ZSCAN5B: variants seen among roughly 807,000 people sequenced by gnomAD.
ZSCAN5B encodes the protein zinc finger and SCAN domain containing 5B.
ZSCAN5B carries 26 observed loss-of-function variants against 25.2 expected under a neutral mutation model. The ratio of observed to expected loss-of-function variants is 1.03; its 90% confidence interval spans 0.76 to 1.43. The LOEUF (loss-of-function observed/expected upper bound fraction) is 1.43, where lower values mean the gene tolerates loss of function less well. ZSCAN5B is among the 40% of genes most tolerant of loss of function. ZSCAN5B has a pLI of 0.00. For missense variants in ZSCAN5B, 745 were observed against 622.1 expected, an observed-to-expected ratio of 1.20 and a Z score of -2.10; for synonymous variants, 244 against 240.9, an observed-to-expected ratio of 1.01 and a Z score of -0.12.
chr19:56,192,579 T>C, intron 2 of ZSCAN5B, 90 bp downstream of exon 2: 1 of 1,525,242 alleles, frequency 6.6e-7, no homozygotes, highest in Admixed American at 2.1e-5. Context: ...GTATTTGCAA[T>C]ATTAGCTGTG....
Position 56,190,471 on chromosome 19 carries a change from T to C in ZSCAN5B, c.844A>G (p.Thr282Ala), listed in dbSNP as rs751576360. The stretch of plus-strand genomic sequence containing the variant: ...GCATCTCCTCTGTTCCCGCTGTGAG[T>C]CAAAGCTTCTCTCTCCACAACGCAG... Residue 282 changes from threonine (T) to alanine (A), a missense_variant, in exon 5 of 5, where the codon ACT (threonine) becomes GCT (alanine). Coordinates refer to ENST00000586855, the Ensembl canonical transcript of ZSCAN5B. 9 of 1,613,984 alleles carry C rather than the reference T, an allele frequency of 5.6e-6. No individual in the cohort carries two copies. Among genetic ancestry groups the C allele is most frequent in the Non-Finnish European group, 7.6e-6 (9 of 1,179,958 alleles).
chr19:56,195,144 A>C (rs1044467281), intron 1 of ZSCAN5B, among the ~76,000 whole-genome samples: 1 of 152,192 alleles, frequency 6.6e-6, no homozygotes, highest in African/African-American at 2.4e-5. Context: ...CACTTCCTGG[A>C]AGGACTCTGA....
intron 1 of ZSCAN5B, among the ~76,000 whole-genome samples, chr19:56,194,755 C>T (rs914961384): frequency 3.9e-5 from 6 of 152,064 alleles, no homozygotes; most frequent in Admixed American, 6.5e-5. Context: ...GCTGGGATTA[C>T]AGGCCCCCGC....
At chr19:56,196,184 T>G (rs1311141505) in intron 1 of ZSCAN5B, among the ~76,000 whole-genome samples, 1 of 152,142 alleles carries the variant, frequency 6.6e-6, no homozygotes, top group Admixed American at 6.5e-5. Context: ...CCCGAGTAGC[T>G]GGGATTATAG....
rs372857533 is a variant in ZSCAN5B at position 56,193,170 on chromosome 19, G to C, written c.-118C>G. 3 of 1,236,126 alleles carry C rather than the reference G, an allele frequency of 2.4e-6. No homozygotes were observed. In the South Asian group the frequency reaches 5.3e-5, roughly 22 times the overall value. 76.6% of individuals were successfully genotyped at this position (1,236,126 alleles called of 1,614,324 possible). A position where few individuals can be genotyped will look rare whatever the true frequency, so the allele number is the denominator to read the frequency against. On this transcript the variant is annotated 5_prime_UTR_variant, in exon 2 of 5. Transcript: ENST00000586855. The stretch of plus-strand genomic sequence containing the variant: ...CTTCTCAGTAATATATTCACAGTTT[G>C]TTCAGAAGTCTGCAGGAAAAAAGCA...
exon 2 of ZSCAN5B, chr19:56,192,968 G>A (rs2032759654): frequency 1.9e-6 from 3 of 1,611,282 alleles, no homozygotes; most frequent in Non-Finnish European, 2.5e-6. Context: ...TGAGTTTCTG[G>A]GGACGCCACA....
Position 56,189,962 on chromosome 19 carries a change from C to A in ZSCAN5B, c.1353G>T (p.Lys451Asn), listed in dbSNP as rs376320315. The stretch of plus-strand genomic sequence containing the variant: ...TGCGCTGGTGAACGTTCAGGTTCCC[C>A]TTGTGGCTGAAAACTTTGCTGCAGT... The change falls in exon 5 of 5, where the codon AAG becomes AAT. Residue 451 changes from lysine (K) to asparagine (N), a missense_variant. Lys to Asn is a moderately conservative substitution (Grantham distance 94, BLOSUM62 0). Coordinates refer to ENST00000586855, the Ensembl canonical transcript of ZSCAN5B. 16 of 1,613,888 alleles carry A rather than the reference C, an allele frequency of 9.9e-6. No individual in the cohort carries two copies. The highest frequency in any genetic ancestry group is 4.0e-5 in the African/African-American group (3 of 74,914).
At chr19:56,196,860 G>A (rs1473764284) in intron 1 of ZSCAN5B, among the ~76,000 whole-genome samples, 1 of 152,190 alleles carries the variant, frequency 6.6e-6, no homozygotes. Flanking sequence ...AGGTTTTCCC[G>A]CCAGGTTCCC....
At chr19:56,190,699 G>T in intron 4 of ZSCAN5B, 124 bp from the exon 5 acceptor site, 1 of 1,542,122 alleles carries the variant, frequency 6.5e-7, no homozygotes, top group Non-Finnish European at 8.7e-7. Context: ...CTAAGACATT[G>T]GACTGTAGGT....
exon 4 of ZSCAN5B, chr19:56,190,921 G>T: frequency 6.2e-7 from 1 of 1,614,162 alleles, no homozygotes; most frequent in Non-Finnish European, 8.5e-7. Context: ...TCCAAGGTCT[G>T]CTTGGGTCTC....
intron 4 of ZSCAN5B, 35 bp downstream of exon 4, chr19:56,190,802 G>A (rs1210457839): frequency 1.9e-6 from 3 of 1,607,270 alleles, no homozygotes; most frequent in Non-Finnish European, 2.5e-6. Context: ...AGAAGAGAGG[G>A]ACTAACCCCT....
At chr19:56,194,897 A>G (rs946798195) in intron 1 of ZSCAN5B, among the ~76,000 whole-genome samples, 2 of 152,136 alleles carry the variant, frequency 1.3e-5, no homozygotes, top group African/African-American at 2.4e-5. Context: ...GCCATCGCGC[A>G]CAGCCCAATT....
intron 1 of ZSCAN5B, among the ~76,000 whole-genome samples, chr19:56,195,025 T>C (rs1599941143): frequency 6.6e-6 from 1 of 152,154 alleles, no homozygotes; most frequent in South Asian, 2.1e-4. Context: ...ACAGCCCTGC[T>C]TTCCTAGACA....
exon 5 of ZSCAN5B, chr19:56,189,801 TG>T: frequency 6.3e-7 from 1 of 1,583,170 alleles, no homozygotes; most frequent in South Asian, 1.2e-5. Context: ...TCTCTTGGGG[TG>T]GAGGATGTGG....
At chr19:56,193,324 T>TTC in intron 1 of ZSCAN5B, 145 bp from the exon 2 acceptor site, 1 of 403,638 alleles carries the variant, frequency 2.5e-6, no homozygotes, top group East Asian at 4.1e-5. Context: ...TCTGTTCTTC[T>TTC]CTGACTACAT....
chr19:56,190,021 T>C (rs755225097), exon 5 of ZSCAN5B: 1 of 1,613,942 alleles, frequency 6.2e-7, no homozygotes, highest in South Asian at 1.1e-5. Flanking sequence ...CCGGTGTGGA[T>C]CCTCTTGTGG....
chr19:56,193,279 G>C (rs1279512167), intron 1 of ZSCAN5B, 100 bp from the exon 2 acceptor site: 1 of 518,208 alleles, frequency 1.9e-6, no homozygotes, highest in African/African-American at 1.9e-5. Context: ...ACTTGTCCAT[G>C]GGCATCGGAC....
exon 5 of ZSCAN5B, chr19:56,190,129 A>G (rs368461762): frequency 9.9e-6 from 16 of 1,613,882 alleles, no homozygotes; most frequent in Middle Eastern, 1.6e-4. Flanking sequence ...CGGAGGTCTG[A>G]GGGCTGCAAG....
exon 5 of ZSCAN5B, chr19:56,190,553 C>A (rs1256964235): frequency 6.2e-7 from 1 of 1,612,760 alleles, no homozygotes; most frequent in African/African-American, 1.3e-5. Flanking sequence ...GGGGTTCCTT[C>A]CCCTCCTTTG....
Sources: gnomAD v4.1 joint callset for allele counts (sites outside exome capture counted in the v4.1 genomes callset) on GRCh38, gnomAD v4.1.1 for gene constraint, MANE v1.5 for transcripts, NCBI Gene and HGNC (gene_info 2026-07-23, HGNC 2026-07-21) for gene names.